Variants in NFAT5 observed in about 807,000 individuals in gnomAD.
The protein encoded by NFAT5 is nuclear factor of activated T cells 5.
Under a neutral mutation model 166.5 loss-of-function variants are expected in NFAT5, and 31 were observed. The ratio of observed to expected loss-of-function variants is 0.19; its 90% CI spans 0.14 to 0.25. The LOEUF (loss-of-function observed/expected upper bound fraction) is 0.25, where lower values mean the gene tolerates loss of function less well. Ranked by LOEUF, NFAT5 falls within the 10% of genes least tolerant of loss-of-function variation. The pLI is 1.00. For missense variants in NFAT5, 1,449 were observed against 1,821.8 expected, an observed-to-expected ratio of 0.80 and a Z score of 3.72; for synonymous variants, 612 against 639.7, an observed-to-expected ratio of 0.96 and a Z score of 0.65.
At chr16:69,666,428 A>G (rs1597503365) in intron 7 of NFAT5, among the ~76,000 whole-genome samples, 1 of 151,250 alleles carries the variant, frequency 6.6e-6, no homozygotes, top group South Asian at 2.1e-4. Context: ...TCATCTGACA[A>G]AGGGCTAATA....
rs192368067 is a variant in NFAT5 at position 69,586,029 on chromosome 16, A to C, written c.127+17481A>C. Among the ~76,000 whole-genome samples the C allele has an allele frequency of 4.5e-4, 69 of 151,930 alleles. 1 individual carries two copies. The East Asian group carries it at 0.012, about 27-fold the overall frequency. ...GTAAATTTTATGTATAATTTACTGC[A>C]ATTAAAAATGCTTTCAAAAAACAAG... is the stretch of plus-strand genomic sequence containing the variant. On this transcript the variant is annotated intron_variant, in intron 2 of 14. Transcript: ENST00000349945.
chr16:69,583,682 A>G lies in NFAT5; in HGVS notation c.127+15134A>G, dbSNP rs142549758. ...GCTTAAATAGTTATACTGGATGGTAAGCTTCTTAAGGGCATTGACTATACC... is the reference window on the plus strand; with the variant it reads ...GCTTAAATAGTTATACTGGATGGTAGGCTTCTTAAGGGCATTGACTATACC... On this transcript the variant is annotated intron_variant, in intron 2 of 14. Coordinates refer to ENST00000349945, the MANE Select transcript of NFAT5 (RefSeq NM_138713.4). Among the ~76,000 whole-genome samples, 68 of 152,324 alleles carry G rather than the reference A, an allele frequency of 4.5e-4. No individual in the cohort carries two copies. The East Asian group carries it at 0.013, about 29-fold the overall frequency.
At chr16:69,594,314 C>T (rs12595878) in intron 2 of NFAT5, among the ~76,000 whole-genome samples, 36,171 of 152,094 alleles carry the variant, frequency 0.24, 4,626 homozygotes, top group East Asian at 0.45. Flanking sequence ...ACAATTGTAA[C>T]ACAATAGTAA....
intron 6 of NFAT5, among the ~76,000 whole-genome samples, chr16:69,656,297 A>T (rs932224560): frequency 1.3e-5 from 2 of 151,786 alleles, no homozygotes; most frequent in African/African-American, 4.8e-5. Context: ...AAAAAAAAAA[A>T]AAAAAGAATT....
At chr16:69,675,730 C>A (rs891673116) in intron 9 of NFAT5, among the ~76,000 whole-genome samples, 2 of 152,068 alleles carry the variant, frequency 1.3e-5, no homozygotes, top group Non-Finnish European at 2.9e-5. Flanking sequence ...ACCTCCGCCC[C>A]CCGGGTTCAA....
At chr16:69,573,820 C>T (rs1196418791) in intron 2 of NFAT5, among the ~76,000 whole-genome samples, 1 of 149,606 alleles carries the variant, frequency 6.7e-6, no homozygotes, top group Non-Finnish European at 1.5e-5. Context: ...AGTGGTAGTA[C>T]AGAAAAACAT....
intron 5 of NFAT5, among the ~76,000 whole-genome samples, chr16:69,654,270 A>G (rs1444226045): frequency 4.6e-5 from 7 of 152,102 alleles, no homozygotes; most frequent in Non-Finnish European, 1.0e-4. Flanking sequence ...TACAGTTTGT[A>G]TAAATATGTT....
intron 2 of NFAT5, among the ~76,000 whole-genome samples, chr16:69,578,225 C>A (rs901326772): frequency 7.9e-5 from 12 of 152,256 alleles, no homozygotes; most frequent in African/African-American, 2.9e-4. Context: ...GGAAGTCCTG[C>A]AACCCATCTC....
intron 2 of NFAT5, among the ~76,000 whole-genome samples, chr16:69,584,045 T>C (rs1283566218): frequency 6.6e-6 from 1 of 151,996 alleles, no homozygotes; most frequent in Non-Finnish European, 1.5e-5. Flanking sequence ...GCCAACATGA[T>C]GAAACCTCAT....
rs1474584509 is a variant in NFAT5 at position 69,699,070 on chromosome 16, G to A, written c.*2719G>A. The A allele has an allele frequency of 1.3e-5, 2 of 152,580 alleles. No homozygotes were observed. The highest frequency in any genetic ancestry group is 4.8e-5 in the African/African-American group (2 of 41,428). 9.5% of individuals were successfully genotyped at this position (152,580 alleles called of 1,614,324 possible). A position where few individuals can be genotyped will look rare whatever the true frequency, so the allele number is the denominator to read the frequency against. On this transcript the variant is annotated 3_prime_UTR_variant, in exon 15 of 15. Coordinates refer to ENST00000349945, the MANE Select transcript of NFAT5 (RefSeq NM_138713.4). Reference sequence around the variant, plus strand: ...TGAAATTTCAGACAAAGCAAACCCAGCAGGTATAAAAAGTAGTATAAATAC... The same window carrying A: ...TGAAATTTCAGACAAAGCAAACCCAACAGGTATAAAAAGTAGTATAAATAC...
intron 2 of NFAT5, among the ~76,000 whole-genome samples, chr16:69,622,070 G>A (rs190951306): frequency 4.6e-5 from 7 of 152,284 alleles, no homozygotes; most frequent in African/African-American, 1.7e-4. Context: ...ATTGAATTTA[G>A]GGTTGAATAG....
chr16:69,617,188 C>A (rs537524031), intron 2 of NFAT5, among the ~76,000 whole-genome samples: 1 of 151,966 alleles, frequency 6.6e-6, no homozygotes, highest in Admixed American at 6.6e-5. Flanking sequence ...GTGATCCGCC[C>A]GCCTCGGCCT....
At position 69,692,375 on chromosome 16, in the gene NFAT5, A is replaced by G; in HGVS notation, c.2550A>G (p.Gln850=). The part of the protein sequence containing the change: ...VQEQLSADIF[Q]QVSQIQSGVS... The stretch of plus-strand genomic sequence containing the variant: ...AGCAGCTTAGTGCAGATATTTTTCA[A>G]CAAGTCAGTCAAATTCAGAGTGGTG... The change falls in exon 13 of 15, where the codon CAA becomes CAG. Residue 850 remains glutamine, a synonymous_variant. Transcript: ENST00000349945. The G allele has an allele frequency of 6.2e-7, 1 of 1,614,228 alleles. No individual in the cohort carries two copies.
chr16:69,670,991 G>A (rs2036599685), intron 9 of NFAT5, among the ~76,000 whole-genome samples: 1 of 152,144 alleles, frequency 6.6e-6, no homozygotes, highest in Admixed American at 6.5e-5. Context: ...AAAGAAAAGA[G>A]CACATGACAG....
At chr16:69,599,020 CAAAAA>C (rs1216510761) in intron 2 of NFAT5, among the ~76,000 whole-genome samples, 1 of 52,632 alleles carries the variant, frequency 1.9e-5, no homozygotes, top group Non-Finnish European at 3.9e-5. Flanking sequence ...GACTCTGTCT[CAAAAA>C]AAAAAAAAAA....
rs754060819 is a variant in NFAT5, at chr16:69,699,852, A to ATGTGTGTGTG, written c.*3515_*3524dup. 7.1e-6 allele frequency: 1 copy of ATGTGTGTGTG among 141,386 alleles called. No individual in the cohort carries two copies. Among genetic ancestry groups the ATGTGTGTGTG allele is most frequent in the African/African-American group, 2.6e-5 (1 of 38,804 alleles). 8.8% of individuals were successfully genotyped at this position (141,386 alleles called of 1,614,324 possible). ...TCTCTCTCTCTGTGTGTGTGTGTGTATGTGTGTGTGTGTGTGTGTGTGTTT... is the reference window on the plus strand; with the variant it reads ...TCTCTCTCTCTGTGTGTGTGTGTGTATGTGTGTGTGTGTGTGTGTGTGTGTGTGTGTGTTT... On this transcript the variant is annotated 3_prime_UTR_variant, in exon 15 of 15. Coordinates refer to ENST00000349945, the MANE Select transcript of NFAT5 (RefSeq NM_138713.4).
At position 69,677,330 on chromosome 16, in the gene NFAT5, A is replaced by C; in HGVS notation, c.1685A>C (p.Asp562Ala). 1 of 1,576,228 alleles carries C rather than the reference A, an allele frequency of 6.3e-7. No individual in the cohort carries two copies. Among genetic ancestry groups the C allele is most frequent in the Non-Finnish European group, 8.6e-7 (1 of 1,166,812 alleles). The change falls in exon 10 of 15, where the codon GAC (aspartate) becomes GCC (alanine). Residue 562 changes from aspartate (D) to alanine (A), a missense_variant. Physicochemically the swap from Asp to Ala is moderately radical, Grantham distance 126 (BLOSUM62 -2). Around this residue, in one of 7 missense-constraint regions of NFAT5, gnomAD observed 245 missense variants for 366.6 expected, o/e 0.67. Coordinates refer to ENST00000349945, the MANE Select transcript of NFAT5 (RefSeq NM_138713.4). ...HDVQPFTYTP[D>A]PAAAGALNVN... ...GTTCAACCATTCACTTACACTCCAG[A>C]CCCAGGTATGTCAAAATGAAAAATT...
At chr16:69,610,611 A>G (rs1314956251) in intron 2 of NFAT5, among the ~76,000 whole-genome samples, 3 of 152,186 alleles carry the variant, frequency 2.0e-5, no homozygotes, top group African/African-American at 7.2e-5. Flanking sequence ...TCAGCCAGCT[A>G]TTCTCCTGCC....
chr16:69,690,781 G>A, intron 11 of NFAT5, 159 bp from the exon 12 acceptor site: 1 of 479,818 alleles, frequency 2.1e-6, no homozygotes, highest in Admixed American at 4.1e-5. Flanking sequence ...CTTCATAAAA[G>A]GGAAGATATA....
Sources: gnomAD v4.1 joint callset for allele counts (sites outside exome capture counted in the v4.1 genomes callset) on GRCh38, gnomAD v4.1.1 for gene constraint, gnomAD v4.1.1 regional missense constraint, MANE v1.5 for transcripts, NCBI Gene and HGNC (gene_info 2026-07-23, HGNC 2026-07-21) for gene names.